SETD3: variants seen among roughly 807,000 people sequenced by gnomAD.
SETD3 encodes the protein actin-histidine N-methyltransferase.
A neutral mutation model predicts 63.0 loss-of-function variants in SETD3; 19 were observed. The observed-to-expected ratio is 0.30, with a 90% CI of 0.21 to 0.44. SETD3 has a LOEUF of 0.44. Among genes scored for constraint, SETD3 ranks in the 20% least tolerant of loss-of-function variants. The pLI is 1.00. For synonymous variants in SETD3, 286 were observed against 264.1 expected (o/e 1.08, Z -0.80); for missense variants, 587 against 728.5 (o/e 0.81, Z 2.24).
chr14:99,450,702 T>C (rs2035216213), intron 6 of SETD3, among the ~76,000 whole-genome samples: 2 of 152,192 alleles, frequency 1.3e-5, no homozygotes, highest in Admixed American at 1.3e-4. Context: ...TTTCTCCATC[T>C]CCATACCTTC....
At chr14:99,450,632 A>AGG (rs1307085019) in intron 6 of SETD3, among the ~76,000 whole-genome samples, 1 of 152,216 alleles carries the variant, frequency 6.6e-6, no homozygotes, top group Non-Finnish European at 1.5e-5. Context: ...GAAAAGGGGG[A>AGG]GGCTGCTGCA....
At chr14:99,432,710 C>G (rs1029233018) in intron 6 of SETD3, among the ~76,000 whole-genome samples, 5 of 152,214 alleles carry the variant, frequency 3.3e-5, no homozygotes, top group African/African-American at 1.2e-4. Flanking sequence ...GTAGCAAACA[C>G]ACAAGAACAC....
At chr14:99,441,994 C>T (rs1285767109) in intron 6 of SETD3, among the ~76,000 whole-genome samples, 1 of 152,150 alleles carries the variant, frequency 6.6e-6, no homozygotes, top group Non-Finnish European at 1.5e-5. Context: ...AGCCCCCAGG[C>T]ATTTTAAACA....
At chr14:99,474,397 C>T (rs1388686352) in intron 1 of SETD3, among the ~76,000 whole-genome samples, 3 of 152,154 alleles carry the variant, frequency 2.0e-5, no homozygotes, top group East Asian at 1.9e-4. Context: ...GAAGTCAAGG[C>T]AAGCAGGCAG....
intron 6 of SETD3, among the ~76,000 whole-genome samples, chr14:99,436,774 C>T (rs1437157242): frequency 6.6e-6 from 1 of 152,156 alleles, no homozygotes; most frequent in South Asian, 2.1e-4. Flanking sequence ...CACTACTACT[C>T]GTGGCCCCAC....
intron 4 of SETD3, among the ~76,000 whole-genome samples, chr14:99,459,870 A>G (rs1207410443): frequency 1.3e-5 from 2 of 152,194 alleles, no homozygotes; most frequent in African/African-American, 4.8e-5. Context: ...GTCTTCACCT[A>G]AACAGACCAT....
chr14:99,441,547 C>T (rs1378849387), intron 6 of SETD3, among the ~76,000 whole-genome samples: 3 of 152,260 alleles, frequency 2.0e-5, no homozygotes, highest in Admixed American at 6.5e-5. Context: ...CAAAACCGCA[C>T]GCTAGCACAG....
intron 9 of SETD3, among the ~76,000 whole-genome samples, chr14:99,405,724 A>C (rs141916039): frequency 2.6e-5 from 4 of 152,170 alleles, no homozygotes; most frequent in Non-Finnish European, 5.9e-5. Flanking sequence ...GGCTATTACT[A>C]TAAGACTGTA....
intron 1 of SETD3, among the ~76,000 whole-genome samples, chr14:99,471,319 A>T (rs1895692025): frequency 6.6e-6 from 1 of 152,254 alleles, no homozygotes. Flanking sequence ...AGTAGTCAAA[A>T]TGAAACATTT....
chr14:99,477,921 T>C (rs1195145282), intron 1 of SETD3, among the ~76,000 whole-genome samples: 2 of 151,996 alleles, frequency 1.3e-5, no homozygotes, highest in African/African-American at 2.4e-5. Context: ...AATGAGATGA[T>C]AAAAGGAAAT....
Position 99,422,467 on chromosome 14 carries a change from C to T in SETD3, c.676-8533G>A, listed in dbSNP as rs191600344. ...GAACTTTGGTCCCTTAAACATTCTG[C>T]TTTTAAGCCTAAAGGAAGTTGAGTA... On this transcript the variant is annotated intron_variant, in intron 6 of 12. Coordinates refer to ENST00000331768, the MANE Select transcript of SETD3 (RefSeq NM_032233.3). 2.0e-4 allele frequency among the ~76,000 whole-genome samples: 31 copies of T among 152,286 alleles called. No individual in the cohort carries two copies. The East Asian group carries it at 5.8e-3, about 29-fold the overall frequency.
Position 99,463,716 on chromosome 14 carries a change from C to T in SETD3, c.104-138G>A, listed in dbSNP as rs116228641. 5.1e-3 allele frequency: 3,375 copies of T among 664,726 alleles called. 89 individuals carry two copies. In the African/African-American group the frequency reaches 0.054, roughly 11 times the overall value. The allele number at this position is 664,726 out of a possible 1,614,324, so 41.2% of individuals were successfully genotyped here. ...TTTTAAAAGACAGACATATGACAGC[C>T]ATGATAATGAATGTGAGAAGTACAA... On this transcript the variant is annotated intron_variant, in intron 2 of 12. Transcript: ENST00000331768.
At chr14:99,436,205 T>C (rs991511772) in intron 6 of SETD3, among the ~76,000 whole-genome samples, 2 of 152,124 alleles carry the variant, frequency 1.3e-5, no homozygotes, top group African/African-American at 4.8e-5. Context: ...ATGATGGAGA[T>C]TACAATTCAA....
chr14:99,410,338 ATCT>A, intron 8 of SETD3: 3 of 1,335,708 alleles, frequency 2.2e-6, no homozygotes, highest in Non-Finnish European at 3.1e-6. Flanking sequence ...TGTAAGACTC[ATCT>A]AAATATAAAT....
At chr14:99,414,141 CGCCATAAATCT>C (rs1296733946) in intron 6 of SETD3, among the ~76,000 whole-genome samples, 4 of 152,252 alleles carry the variant, frequency 2.6e-5, no homozygotes, top group African/African-American at 9.6e-5. Flanking sequence ...GCCCAGCAGC[CGCCATAAATCT>C]GCTTCTTCAT....
intron 6 of SETD3, among the ~76,000 whole-genome samples, chr14:99,439,749 T>C (rs1893695349): frequency 6.7e-6 from 1 of 149,328 alleles, no homozygotes; most frequent in East Asian, 1.9e-4. Flanking sequence ...CATATAAATG[T>C]ATGTATTTAT....
At chr14:99,458,179 AGT>A (rs1191447653) in intron 6 of SETD3, 98 bp downstream of exon 6, 40 of 1,317,290 alleles carry the variant, frequency 3.0e-5, no homozygotes. Context: ...AAAATGTTTA[AGT>A]ATCCTTAATA....
chr14:99,482,240 T>A (rs1264746644), upstream of SETD3, among the ~76,000 whole-genome samples: 1 of 152,262 alleles, frequency 6.6e-6, no homozygotes, highest in African/African-American at 2.4e-5. Flanking sequence ...TGGTCTTCTG[T>A]GTTTTTAAGA....
At chr14:99,485,297 A>G (rs567921049), upstream of SETD3, among the ~76,000 whole-genome samples, 2 of 152,214 alleles carry the variant, frequency 1.3e-5, no homozygotes, top group African/African-American at 4.8e-5. Context: ...TTTCATCCCT[A>G]CTGGGGTATT....
Sources: gnomAD v4.1 joint callset for allele counts (sites outside exome capture counted in the v4.1 genomes callset) on GRCh38, gnomAD v4.1.1 for gene constraint, MANE v1.5 for transcripts, NCBI Gene and HGNC (gene_info 2026-07-23, HGNC 2026-07-21) for gene names.